Variants in PLD5 observed in about 807,000 individuals in gnomAD.
The protein encoded by PLD5 is phospholipase D family member 5.
Under a neutral mutation model 61.1 loss-of-function variants are expected in PLD5, and 36 were observed. That is an observed-to-expected ratio of 0.59 (90% CI 0.45 to 0.78). The LOEUF (loss-of-function observed/expected upper bound fraction) is 0.78. Ranked by LOEUF, PLD5 falls within the 30% of genes least tolerant of loss-of-function variation. The pLI, the probability that PLD5 is intolerant of heterozygous loss-of-function variation, is 0.00. For synonymous variants in PLD5, 243 were observed against 242.8 expected (o/e 1.00, Z -0.01); for missense variants, 515 against 644.4 (o/e 0.80, Z 2.17).
rs894184367 is a variant in PLD5, at chr1:242,467,056, A to C, written c.189+57032T>G. ...ATTGCACAGCATAGTGACTATAGTT[A>C]ACAATAATATATTTCAAAATTGTGA... On this transcript the variant is annotated intron_variant, in intron 1 of 9. Transcript: ENST00000536534. 7.2e-5 allele frequency among the ~76,000 whole-genome samples: 11 copies of C among 152,290 alleles called. 1 individual carries two copies. The South Asian group carries it at 2.3e-3, about 32-fold the overall frequency.
At chr1:242,399,000 G>A (rs1663766168) in intron 1 of PLD5, among the ~76,000 whole-genome samples, 2 of 152,130 alleles carry the variant, frequency 1.3e-5, no homozygotes, top group African/African-American at 4.8e-5. Flanking sequence ...ACACCATTGG[G>A]GGAAGCTGTA....
intron 1 of PLD5, among the ~76,000 whole-genome samples, chr1:242,483,385 C>T (rs1420766247): frequency 6.6e-6 from 1 of 151,510 alleles, no homozygotes; most frequent in Non-Finnish European, 1.5e-5. Context: ...AAATGGAAAA[C>T]AAAAAAAGGC....
chr1:242,279,919 A>G (rs1674628680), intron 3 of PLD5, among the ~76,000 whole-genome samples: 1 of 152,242 alleles, frequency 6.6e-6, no homozygotes, highest in Non-Finnish European at 1.5e-5. Flanking sequence ...ATATAAGTTG[A>G]AATCTTGACA....
intron 1 of PLD5, among the ~76,000 whole-genome samples, chr1:242,415,287 T>A (rs73132400): frequency 0.037 from 5,702 of 152,138 alleles, 385 homozygotes; most frequent in African/African-American, 0.13. Context: ...TAGAAAGATA[T>A]ATCTGAAAAG....
chr1:242,487,245 A>C (rs1334596065), intron 1 of PLD5, among the ~76,000 whole-genome samples: 1 of 152,280 alleles, frequency 6.6e-6, no homozygotes, highest in East Asian at 1.9e-4. Flanking sequence ...AAAAAAGAAA[A>C]TGTGGCACAT....
intron 1 of PLD5, among the ~76,000 whole-genome samples, chr1:242,350,458 CACACA>C (rs1660414574): frequency 6.6e-6 from 1 of 151,368 alleles, no homozygotes; most frequent in Non-Finnish European, 1.5e-5. Flanking sequence ...CACACACACA[CACACA>C]CACACACACA....
rs530896537 is a variant in PLD5, at chr1:242,279,311, G to A, written c.495+9051C>T. On this transcript the variant is annotated intron_variant, in intron 3 of 9. Coordinates refer to ENST00000536534, the MANE Select transcript of PLD5 (RefSeq NM_001372062.1). ...TTAGACCGGGATGGTTTAAAACAGTGATTCTCAATCCTGGGTGCCCAGTAA... is the reference window on the plus strand; with the variant it reads ...TTAGACCGGGATGGTTTAAAACAGTAATTCTCAATCCTGGGTGCCCAGTAA... 3.3e-5 allele frequency among the ~76,000 whole-genome samples: 5 copies of A among 152,280 alleles called. No individual in the cohort carries two copies. In the South Asian group the frequency reaches 8.3e-4, roughly 25 times the overall value.
intron 1 of PLD5, among the ~76,000 whole-genome samples, chr1:242,356,278 T>C (rs1660748552): frequency 6.6e-6 from 1 of 152,116 alleles, no homozygotes; most frequent in Admixed American, 6.6e-5. Context: ...ATAATTGTTA[T>C]ATCCTATTGA....
intron 1 of PLD5, among the ~76,000 whole-genome samples, chr1:242,404,582 T>C (rs1458952675): frequency 6.6e-6 from 1 of 152,140 alleles, no homozygotes; most frequent in African/African-American, 2.4e-5. Context: ...CAAACGTGAC[T>C]TCTCCATCCT....
At chr1:242,177,553 TTATAAAAA>T (rs1667244478) in intron 5 of PLD5, among the ~76,000 whole-genome samples, 2 of 152,070 alleles carry the variant, frequency 1.3e-5, no homozygotes, top group African/African-American at 4.8e-5. Context: ...ACCCTAGAAC[TTATAAAAA>T]TAAAAAAAAT....
At chr1:242,171,902 C>T (rs1402962136) in intron 5 of PLD5, among the ~76,000 whole-genome samples, 1 of 152,116 alleles carries the variant, frequency 6.6e-6, no homozygotes, top group Non-Finnish European at 1.5e-5. Flanking sequence ...AAAGCAAGTT[C>T]TAAGAGACCT....
intron 1 of PLD5, among the ~76,000 whole-genome samples, chr1:242,472,406 C>A (rs555874703): frequency 2.0e-5 from 3 of 152,230 alleles, no homozygotes; most frequent in Non-Finnish European, 4.4e-5. Context: ...GCAAACCCTG[C>A]TGATCATTCT....
At chr1:242,206,317 C>T (rs1455570172) in intron 5 of PLD5, among the ~76,000 whole-genome samples, 2 of 152,190 alleles carry the variant, frequency 1.3e-5, no homozygotes, top group Non-Finnish European at 2.9e-5. Context: ...GCCCATCAGT[C>T]ACTATGATGC....
At chr1:242,425,716 C>T (rs1414563791) in intron 1 of PLD5, among the ~76,000 whole-genome samples, 5 of 148,462 alleles carry the variant, frequency 3.4e-5, no homozygotes, top group African/African-American at 1.0e-4. Flanking sequence ...AATCTCAGCT[C>T]ACTCTAAGTT....
intron 5 of PLD5, among the ~76,000 whole-genome samples, chr1:242,193,193 T>C (rs1448065417): frequency 6.6e-6 from 1 of 152,024 alleles, no homozygotes; most frequent in Admixed American, 6.5e-5. Context: ...GCAGGAGCTA[T>C]ATTTTATTAT....
At chr1:242,509,498 C>T (rs1668836094) in intron 1 of PLD5, among the ~76,000 whole-genome samples, 1 of 152,246 alleles carries the variant, frequency 6.6e-6, no homozygotes, top group African/African-American at 2.4e-5. Context: ...GATATTCCAT[C>T]TGTTCCATGC....
intron 5 of PLD5, among the ~76,000 whole-genome samples, chr1:242,141,367 G>A (rs1301101934): frequency 6.6e-6 from 1 of 151,376 alleles, no homozygotes; most frequent in Non-Finnish European, 1.5e-5. Flanking sequence ...TCTGTAAGGG[G>A]CATCCAAAAT....
intron 1 of PLD5, among the ~76,000 whole-genome samples, chr1:242,439,716 A>G (rs573261555): frequency 6.6e-6 from 1 of 152,284 alleles, no homozygotes; most frequent in East Asian, 1.9e-4. Flanking sequence ...AAACGAATGC[A>G]TTTGTCTCAT....
intron 5 of PLD5, among the ~76,000 whole-genome samples, chr1:242,149,508 T>C (rs914474735): frequency 3.7e-5 from 5 of 134,338 alleles, no homozygotes; most frequent in African/African-American, 1.7e-4. Context: ...AGTGTTTTAC[T>C]TTTTTTTTTT....
Sources: gnomAD v4.1 joint callset for allele counts (sites outside exome capture counted in the v4.1 genomes callset) on GRCh38, gnomAD v4.1.1 for gene constraint, MANE v1.5 for transcripts, NCBI Gene and HGNC (gene_info 2026-07-23, HGNC 2026-07-21) for gene names.